Variants in CPXM2 observed in about 807,000 individuals in gnomAD.
CPXM2 encodes the protein inactive carboxypeptidase-like protein X2.
A neutral mutation model predicts 86.1 loss-of-function variants in CPXM2; 66 were observed. The ratio of observed to expected loss-of-function variants is 0.77; its 90% CI spans 0.63 to 0.94. CPXM2 has a LOEUF of 0.94. CPXM2 is among the 40% of genes least tolerant of loss of function. The probability of loss-of-function intolerance (pLI) is 0.00; values close to 1 mark genes in which losing one functional copy is unlikely to be tolerated. For missense variants in CPXM2, 948 were observed against 1,026.3 expected, an observed-to-expected ratio of 0.92 and a Z score of 1.04; for synonymous variants, 388 against 400.2, an observed-to-expected ratio of 0.97 and a Z score of 0.36.
intron 13 of CPXM2, chr10:123,750,371 G>A (rs1338209502): frequency 1.9e-5 from 18 of 970,798 alleles, no homozygotes; most frequent in Non-Finnish European, 2.1e-5. Flanking sequence ...CCTCTCTCCA[G>A]CCACACAAGT....
chr10:123,829,394 CAG>C lies in CPXM2; in HGVS notation c.653+12953_653+12954del, dbSNP rs1848116517. 2.7e-5 allele frequency among the ~76,000 whole-genome samples: 4 copies of C among 148,688 alleles called. No individual in the cohort carries two copies. The South Asian group carries it at 6.4e-4, about 24-fold the overall frequency. ...AAAAAAATTTTTTTTTTTTTTGAGA[CAG>C]AGTCTCCCTCTATTGCCTCGGCCTC... On this transcript the variant is annotated intron_variant, in intron 4 of 13. Coordinates refer to ENST00000241305, the MANE Select transcript of CPXM2 (RefSeq NM_198148.3).
At chr10:123,906,997 A>C (rs2134266511) in intron 2 of CPXM2, among the ~76,000 whole-genome samples, 1 of 152,254 alleles carries the variant, frequency 6.6e-6, no homozygotes, top group African/African-American at 2.4e-5. Context: ...TCTGAAGTTC[A>C]CCTAAAGGAT....
chr10:123,857,635 T>A (rs565665279), intron 3 of CPXM2, among the ~76,000 whole-genome samples: 1 of 90,538 alleles, frequency 1.1e-5, no homozygotes, highest in Non-Finnish European at 2.4e-5. Flanking sequence ...GGCGTGGAGA[T>A]GGAAGGCGGC....
chr10:123,912,952 T>C (rs550997233), intron 2 of CPXM2, among the ~76,000 whole-genome samples: 54 of 152,282 alleles, frequency 3.5e-4, no homozygotes, highest in African/African-American at 1.3e-3. Context: ...TCCAGACTCC[T>C]CCAAAGCTCA....
At chr10:123,919,844 T>C in intron 2 of CPXM2, among the ~76,000 whole-genome samples, 1 of 152,180 alleles carries the variant, frequency 6.6e-6, no homozygotes, top group Non-Finnish European at 1.5e-5. Context: ...CTTCCACTCA[T>C]GACAGAAGGT....
intron 10 of CPXM2, among the ~76,000 whole-genome samples, chr10:123,764,823 T>C (rs1313106280): frequency 6.6e-6 from 1 of 152,078 alleles, no homozygotes; most frequent in Non-Finnish European, 1.5e-5. Flanking sequence ...TTTATTTATT[T>C]GCTAACTTCT....
At chr10:123,911,115 G>A (rs7917906) in intron 2 of CPXM2, among the ~76,000 whole-genome samples, 13,589 of 152,178 alleles carry the variant, frequency 0.089, 785 homozygotes, top group African/African-American at 0.16. Flanking sequence ...TTCCATATAA[G>A]GTCACATTCA....
intron 4 of CPXM2, among the ~76,000 whole-genome samples, chr10:123,840,454 A>C (rs1005417350): frequency 6.6e-6 from 1 of 152,266 alleles, no homozygotes; most frequent in African/African-American, 2.4e-5. Context: ...AATTCAAATG[A>C]AGAAAAAGTA....
chr10:123,870,375 G>A (rs1408468747), intron 2 of CPXM2, among the ~76,000 whole-genome samples: 1 of 152,214 alleles, frequency 6.6e-6, no homozygotes, highest in East Asian at 1.9e-4. Flanking sequence ...CCGAGGCCCT[G>A]TAGCCTACTG....
chr10:123,884,764 T>C (rs996980606), intron 1 of CPXM2, among the ~76,000 whole-genome samples: 2 of 152,176 alleles, frequency 1.3e-5, no homozygotes, highest in African/African-American at 4.8e-5. Context: ...CTCTCTCCAT[T>C]GTGTCTTCTC....
At chr10:123,768,032 G>A (rs542289169) in intron 9 of CPXM2, among the ~76,000 whole-genome samples, 1 of 152,266 alleles carries the variant, frequency 6.6e-6, no homozygotes, top group African/African-American at 2.4e-5. Context: ...CATTCTCAAT[G>A]CCTGCTTTGC....
intron 13 of CPXM2, chr10:123,750,298 C>A (rs998274379): frequency 3.0e-6 from 3 of 985,296 alleles, no homozygotes; most frequent in African/African-American, 3.5e-5. Flanking sequence ...GTGCTTAGAG[C>A]AAAACCCAAC....
At chr10:123,894,880 C>T (rs1174820656), upstream of CPXM2, among the ~76,000 whole-genome samples, 4 of 152,272 alleles carry the variant, frequency 2.6e-5, no homozygotes, top group East Asian at 7.7e-4. Context: ...GCAGGTCTCG[C>T]TGTTTGGGCC....
In CPXM2 at chr10:123,891,667, C is replaced by G; in HGVS notation, c.-8G>C. ...GGTCCCCGGGCGGGACATGCCTGCT[C>G]CGCCCCGCGCCCAGGGCAGGGTCAC... On this transcript the variant is annotated 5_prime_UTR_variant, in exon 1 of 14. Coordinates refer to ENST00000241305, the MANE Select transcript of CPXM2 (RefSeq NM_198148.3). The surrounding 1 kb of genome is among the most constrained non-coding windows in gnomAD (Gnocchi z 5.6). The G allele has an allele frequency of 7.2e-6, 10 of 1,381,556 alleles. No individual in the cohort carries two copies. The highest frequency in any genetic ancestry group is 9.3e-6 in the Non-Finnish European group (10 of 1,069,538). 85.6% of individuals were successfully genotyped at this position (1,381,556 alleles called of 1,614,324 possible).
chr10:123,900,995 C>A (rs905493209), intron 2 of CPXM2, among the ~76,000 whole-genome samples: 21 of 152,102 alleles, frequency 1.4e-4, no homozygotes, highest in African/African-American at 5.1e-4. Context: ...ACATTTTATT[C>A]TTTTATAATT....
intron 2 of CPXM2, among the ~76,000 whole-genome samples, chr10:123,898,755 CTTTTT>C (rs951293758): frequency 2.8e-4 from 43 of 152,166 alleles, no homozygotes; most frequent in Non-Finnish European, 5.4e-4. Context: ...CTTTCTTTTT[CTTTTT>C]TAAGATGGAG....
intron 10 of CPXM2, 66 bp from the exon 11 acceptor site, chr10:123,762,235 C>A (rs10794568): frequency 6.2e-7 from 1 of 1,608,768 alleles, no homozygotes; most frequent in African/African-American, 1.3e-5. Context: ...AGCTGTCAAA[C>A]AGGGACATAG....
intron 2 of CPXM2, among the ~76,000 whole-genome samples, chr10:123,876,418 G>A (rs1171324791): frequency 6.6e-6 from 1 of 152,130 alleles, no homozygotes; most frequent in East Asian, 1.9e-4. Context: ...TGTGATATGA[G>A]AAAGGAGGGA....
chr10:123,901,215 C>G (rs1590112880), intron 2 of CPXM2, among the ~76,000 whole-genome samples: 1 of 152,130 alleles, frequency 6.6e-6, no homozygotes, highest in South Asian at 2.1e-4. Flanking sequence ...TAGTTTAAAT[C>G]CAATTGAATT....
Sources: gnomAD v4.1 joint callset for allele counts (sites outside exome capture counted in the v4.1 genomes callset) on GRCh38, gnomAD v4.1.1 for gene constraint, Gnocchi (gnomAD v3.1) non-coding constraint, MANE v1.5 for transcripts, NCBI Gene and HGNC (gene_info 2026-07-23, HGNC 2026-07-21) for gene names.